The following CLSTN2 variants were observed in gnomAD, a reference collection of about 807,000 sequenced individuals.
CLSTN2 encodes the protein calsyntenin 2.
In CLSTN2, 48 loss-of-function variants were observed where a neutral mutation model predicts 101.2. The observed-to-expected ratio is 0.47, with a 90% CI of 0.38 to 0.60. The LOEUF (loss-of-function observed/expected upper bound fraction) is 0.60, where lower values mean the gene tolerates loss of function less well. Ranked by LOEUF, CLSTN2 falls within the 20% of genes least tolerant of loss-of-function variation. The pLI is 0.00. For missense variants in CLSTN2, 1,160 were observed against 1,238.2 expected, an observed-to-expected ratio of 0.94 and a Z score of 0.95; for synonymous variants, 481 against 463.6, an observed-to-expected ratio of 1.04 and a Z score of -0.48.
At chr3:140,013,628 C>T (rs939197496) in intron 1 of CLSTN2, among the ~76,000 whole-genome samples, 1 of 152,000 alleles carries the variant, frequency 6.6e-6, no homozygotes, top group African/African-American at 2.4e-5. Context: ...GTGCTTAGAT[C>T]TCAAGTTTTA....
intron 1 of CLSTN2, among the ~76,000 whole-genome samples, chr3:139,991,768 A>G (rs1464970142): frequency 6.6e-6 from 1 of 152,252 alleles, no homozygotes; most frequent in Admixed American, 6.5e-5. Flanking sequence ...TTGTAGGTTT[A>G]CACAATGAAA....
intron 2 of CLSTN2, among the ~76,000 whole-genome samples, chr3:140,238,223 T>C (rs1336721187): frequency 3.9e-5 from 6 of 152,200 alleles, no homozygotes; most frequent in Non-Finnish European, 8.8e-5. Flanking sequence ...CCTCCACTTG[T>C]GACAGATATT....
intron 1 of CLSTN2, among the ~76,000 whole-genome samples, chr3:139,938,005 C>T (rs1421679154): frequency 6.6e-6 from 1 of 152,004 alleles, no homozygotes; most frequent in Non-Finnish European, 1.5e-5. Flanking sequence ...TATAACAATG[C>T]ACTTGCATTT....
chr3:140,056,508 G>C (rs2008099086), intron 1 of CLSTN2, among the ~76,000 whole-genome samples: 2 of 152,322 alleles, frequency 1.3e-5, no homozygotes, highest in Admixed American at 6.5e-5. Context: ...ACTGAACTCT[G>C]TATCCTCAGC....
chr3:140,392,765 G>A (rs962784050), intron 2 of CLSTN2, among the ~76,000 whole-genome samples: 1 of 152,042 alleles, frequency 6.6e-6, no homozygotes, highest in Non-Finnish European at 1.5e-5. Context: ...AATTTAAAAA[G>A]TAGATGGTGT....
chr3:140,018,104 C>T (rs1029176166), intron 1 of CLSTN2, among the ~76,000 whole-genome samples: 1 of 152,194 alleles, frequency 6.6e-6, no homozygotes, highest in East Asian at 1.9e-4. Context: ...CTTCAGGGCA[C>T]CCCTTTTCTC....
intron 2 of CLSTN2, among the ~76,000 whole-genome samples, chr3:140,270,434 G>C (rs1232836300): frequency 6.6e-6 from 1 of 152,164 alleles, no homozygotes; most frequent in Non-Finnish European, 1.5e-5. Flanking sequence ...AATGAGACAG[G>C]GTCCCTGGTT....
At chr3:140,365,691 T>G (rs894730154) in intron 2 of CLSTN2, among the ~76,000 whole-genome samples, 2 of 151,902 alleles carry the variant, frequency 1.3e-5, no homozygotes, top group Non-Finnish European at 2.9e-5. Context: ...GGGTTAAGCT[T>G]CCTCCCACCA....
At chr3:140,180,382 C>G (rs1458417757) in intron 2 of CLSTN2, among the ~76,000 whole-genome samples, 1 of 152,168 alleles carries the variant, frequency 6.6e-6, no homozygotes, top group East Asian at 1.9e-4. Flanking sequence ...TCAGTGAAAC[C>G]TCCCTCAGAC....
chr3:140,123,175 G>A (rs369873465), intron 1 of CLSTN2, among the ~76,000 whole-genome samples: 1 of 115,204 alleles, frequency 8.7e-6, no homozygotes, highest in Middle Eastern at 5.6e-3. Flanking sequence ...GCGGGGGGGT[G>A]GGGGGCGGGA....
chr3:139,999,954 CAA>C (rs34012453), intron 1 of CLSTN2, among the ~76,000 whole-genome samples: 30,394 of 141,960 alleles, frequency 0.21, 3,426 homozygotes, highest in Admixed American at 0.34. Flanking sequence ...AACCTTGTCT[CAA>C]AAAAAAAAAA....
intron 9 of CLSTN2, among the ~76,000 whole-genome samples, chr3:140,544,010 G>A (rs79027310): frequency 0.028 from 4,275 of 152,254 alleles, 207 homozygotes; most frequent in African/African-American, 0.096. Context: ...CTAAACTTTA[G>A]GGCTGCCTTT....
At chr3:140,019,022 C>T (rs193232204) in intron 1 of CLSTN2, among the ~76,000 whole-genome samples, 14 of 152,252 alleles carry the variant, frequency 9.2e-5, no homozygotes, top group Admixed American at 3.3e-4. Flanking sequence ...ATCAGATGAT[C>T]CTGGGAGTCT....
At chr3:139,974,453 T>C (rs1454738990) in intron 1 of CLSTN2, among the ~76,000 whole-genome samples, 12 of 152,204 alleles carry the variant, frequency 7.9e-5, no homozygotes, top group Admixed American at 7.9e-4. Context: ...AGGGCTAATT[T>C]GGACCACCTT....
At chr3:140,261,374 G>A (rs943914173) in intron 2 of CLSTN2, among the ~76,000 whole-genome samples, 3 of 152,136 alleles carry the variant, frequency 2.0e-5, no homozygotes, top group African/African-American at 7.2e-5. Flanking sequence ...GGCCATGGGA[G>A]ACATTTTTAT....
intron 1 of CLSTN2, among the ~76,000 whole-genome samples, chr3:139,977,579 G>A (rs986653178): frequency 7.9e-5 from 12 of 152,180 alleles, no homozygotes; most frequent in Non-Finnish European, 1.6e-4. Context: ...TGGCATCAGG[G>A]TGGCTGAGTC....
At chr3:140,137,173 T>C (rs1447774117) in intron 1 of CLSTN2, among the ~76,000 whole-genome samples, 4 of 152,142 alleles carry the variant, frequency 2.6e-5, no homozygotes, top group Admixed American at 2.6e-4. Flanking sequence ...CAAAGAGAAT[T>C]CTATCTTTCT....
intron 5 of CLSTN2, among the ~76,000 whole-genome samples, chr3:140,446,403 A>G (rs542836946): frequency 1.6e-4 from 25 of 152,074 alleles, no homozygotes; most frequent in Non-Finnish European, 3.1e-4. Context: ...TGCACCCTCT[A>G]CTTGTGACAC....
At chr3:140,084,489 TG>T (rs1187598675) in intron 1 of CLSTN2, among the ~76,000 whole-genome samples, 1 of 152,304 alleles carries the variant, frequency 6.6e-6, no homozygotes, top group East Asian at 1.9e-4. Flanking sequence ...TGCATTCAAA[TG>T]TATGATAGCT....
Sources: gnomAD v4.1 joint callset for allele counts (sites outside exome capture counted in the v4.1 genomes callset) on GRCh38, gnomAD v4.1.1 for gene constraint, MANE v1.5 for transcripts, NCBI Gene and HGNC (gene_info 2026-07-23, HGNC 2026-07-21) for gene names.